Variants in ZC3H13 observed in about 807,000 individuals in gnomAD.
ZC3H13 encodes zinc finger CCCH-type containing 13.
ZC3H13 carries 64 observed loss-of-function variants against 204.1 expected under a neutral mutation model. The observed-to-expected ratio is 0.31, with a 90% confidence interval of 0.26 to 0.39. The LOEUF (loss-of-function observed/expected upper bound fraction) is 0.39. Ranked by LOEUF, ZC3H13 falls within the 10% of genes least tolerant of loss-of-function variation. ZC3H13 has a pLI of 1.00. For synonymous variants in ZC3H13, 667 were observed against 693.7 expected (o/e 0.96, Z 0.60); for missense variants, 1,833 against 2,082.7 (o/e 0.88, Z 2.33).
In ZC3H13 at chr13:46,052,408, T is replaced by C. The variant is rs1217167502; in HGVS notation, c.-14A>G. On this transcript the variant is annotated 5_prime_UTR_variant, in exon 1 of 19. Coordinates refer to ENST00000679008, the MANE Select transcript of ZC3H13 (RefSeq NM_001330564.2). ...ACCAATTCACAGAACGCTTACTTCC[T>C]CCCCAAGCTCCCTTCGCAAGTGCAG... 7.6e-6 allele frequency: 3 copies of C among 396,346 alleles called. No homozygotes were observed. Among genetic ancestry groups the C allele is most frequent in the Non-Finnish European group, 1.3e-5 (3 of 225,400 alleles). 24.6% of individuals were successfully genotyped at this position (396,346 alleles called of 1,614,324 possible). A position where few individuals can be genotyped will look rare whatever the true frequency, so the allele number is the denominator to read the frequency against.
chr13:45,975,153 T>C (rs918473526), intron 12 of ZC3H13, 130 bp downstream of exon 12: 1 of 1,412,600 alleles, frequency 7.1e-7, no homozygotes, highest in South Asian at 1.5e-5. Flanking sequence ...ATACTAAATT[T>C]GAAAAACAGG....
Position 45,962,222 on chromosome 13 carries a change from T to C in ZC3H13, c.4675+1620A>G, listed in dbSNP as rs573716229. 4.3e-5 allele frequency: 42 copies of C among 985,386 alleles called. No individual in the cohort carries two copies. The African/African-American group carries it at 7.0e-4, about 16-fold the overall frequency. 61.0% of individuals were successfully genotyped at this position (985,386 alleles called of 1,614,324 possible). Reference sequence around the variant, plus strand: ...GTCTTTATTCAAGATAATACATCAGTTCTCTAATACAACCACCATAGCAGC... The same window carrying C: ...GTCTTTATTCAAGATAATACATCAGCTCTCTAATACAACCACCATAGCAGC... On this transcript the variant is annotated intron_variant, in intron 17 of 18. Coordinates refer to ENST00000679008, the MANE Select transcript of ZC3H13 (RefSeq NM_001330564.2).
intron 18 of ZC3H13, among the ~76,000 whole-genome samples, chr13:45,959,054 C>T (rs1951489567): frequency 6.6e-6 from 1 of 152,148 alleles, no homozygotes; most frequent in Non-Finnish European, 1.5e-5. Flanking sequence ...TTCTATTCCT[C>T]TTACTTCTCA....
chr13:46,052,328 G>C (rs1480227460), intron 1 of ZC3H13, 76 bp downstream of exon 1: 1 of 390,734 alleles, frequency 2.6e-6, no homozygotes, highest in Non-Finnish European at 4.5e-6. Context: ...GACGGGGGGG[G>C]GTAACCCGGG....
rs369804437 is a variant in ZC3H13, at chr13:45,955,591, T to C, written c.*1536A>G. On this transcript the variant is annotated 3_prime_UTR_variant, in exon 19 of 19. Coordinates refer to ENST00000679008, the MANE Select transcript of ZC3H13 (RefSeq NM_001330564.2). The stretch of plus-strand genomic sequence containing the variant: ...GGATTAGAAATTCTAGGACTTTAAA[T>C]CTTTGTGCTACAGAGAACAATATTA... The C allele has an allele frequency of 1.9e-4, 29 of 152,246 alleles. 1 individual carries two copies. The highest frequency in any genetic ancestry group is 1.9e-3 in the South Asian group (9 of 4,824). The allele number at this position is 152,246 out of a possible 1,614,324, so 9.4% of individuals were successfully genotyped here.
At position 46,011,438 on chromosome 13, in the gene ZC3H13, C is replaced by T. The variant is rs1164548730; in HGVS notation, c.565G>A (p.Glu189Lys). ...KLEQENMEKR[E>K]EIIIKKEVSP... ...ACCTCCTTTTTAATGATAATTTCTT[C>T]TCTCTTCTCCATGTTTTCTTGTTCC... Residue 189 changes from glutamate (E) to lysine (K), a missense_variant, in exon 6 of 19, where the codon GAA (glutamate) becomes AAA (lysine). Glu to Lys is a moderately conservative substitution (Grantham distance 56). Coordinates refer to ENST00000679008, the MANE Select transcript of ZC3H13 (RefSeq NM_001330564.2). 2 of 1,602,130 alleles carry T rather than the reference C, an allele frequency of 1.2e-6. No individual in the cohort carries two copies. Among genetic ancestry groups the T allele is most frequent in the Non-Finnish European group, 1.7e-6 (2 of 1,175,414 alleles).
chr13:46,008,361 T>C (rs2041303577), intron 7 of ZC3H13, among the ~76,000 whole-genome samples: 1 of 152,002 alleles, frequency 6.6e-6, no homozygotes, highest in Admixed American at 6.6e-5. Flanking sequence ...CAATTAAATG[T>C]TTTCTTTGTA....
intron 1 of ZC3H13, among the ~76,000 whole-genome samples, chr13:46,046,199 C>T (rs2043942081): frequency 1.3e-5 from 2 of 151,882 alleles, no homozygotes; most frequent in African/African-American, 2.4e-5. Flanking sequence ...TAGAAAAAGT[C>T]GAGGTGTTTC....
At position 45,985,617 on chromosome 13, in the gene ZC3H13, C is replaced by A. The variant is rs776668848; in HGVS notation, c.1400G>T (p.Arg467Leu). 1.9e-6 allele frequency: 3 copies of A among 1,613,964 alleles called. No homozygotes were observed. Among genetic ancestry groups the A allele is most frequent in the Non-Finnish European group, 2.5e-6 (3 of 1,180,026 alleles). ...DRRDARDTRD[R>L]RELRDSRDMR... The stretch of plus-strand genomic sequence containing the variant: ...GTCTCTGGAGTCTCTTAGTTCCCTT[C>A]GGTCCCTAGTATCTCTGGCATCTCT... Residue 467 changes from arginine (R) to leucine (L), a missense_variant, in exon 10 of 19, where the codon CGA becomes CTA. Physicochemically the swap from Arg to Leu is moderately radical, Grantham distance 102. Transcript: ENST00000679008.
In ZC3H13 at chr13:46,045,602, T is replaced by C; in HGVS notation, c.-9-86A>G. The C allele has an allele frequency of 1.0e-5, 9 of 871,142 alleles. No homozygotes were observed. In the South Asian group the frequency reaches 1.0e-4, roughly 10 times the overall value. 54.0% of individuals were successfully genotyped at this position (871,142 alleles called of 1,614,324 possible). ...CACAGCTTACAAGTAGATAAAACTA[T>C]AGGTAACAGTGTAAAATTACAGGAG... On this transcript the variant is annotated intron_variant, in intron 1 of 18. Transcript: ENST00000679008.
chr13:45,970,744 G>T (rs1215312288), intron 12 of ZC3H13, among the ~76,000 whole-genome samples: 1 of 152,124 alleles, frequency 6.6e-6, no homozygotes, highest in African/African-American at 2.4e-5. Context: ...AATACTGTAA[G>T]GTGGTAACAT....
rs559294901 is a variant in ZC3H13 at position 45,966,427 on chromosome 13, C to T, written c.4322-995G>A. 3.0e-4 allele frequency among the ~76,000 whole-genome samples: 45 copies of T among 152,218 alleles called. 1 individual carries two copies. In the South Asian group the frequency reaches 9.3e-3, roughly 32 times the overall value. ...TTTGTCATATAAACATACATCTAAA[C>T]ATAAATGCACATAATAGGATTTTCA... On this transcript the variant is annotated intron_variant, in intron 15 of 18. Transcript: ENST00000679008.
At chr13:45,987,768 T>C (rs2039652840) in intron 9 of ZC3H13, among the ~76,000 whole-genome samples, 1 of 152,182 alleles carries the variant, frequency 6.6e-6, no homozygotes, top group African/African-American at 2.4e-5. Context: ...CAAGTAAGCA[T>C]TTCCTGAGTA....
At chr13:46,050,977 T>C (rs569806636) in intron 1 of ZC3H13, among the ~76,000 whole-genome samples, 13 of 152,114 alleles carry the variant, frequency 8.5e-5, no homozygotes, top group Admixed American at 5.2e-4. Flanking sequence ...GCTGGAGAAA[T>C]AGCTCCACCT....
chr13:45,981,744 C>T (rs1953633224), intron 10 of ZC3H13, among the ~76,000 whole-genome samples: 1 of 152,006 alleles, frequency 6.6e-6, no homozygotes, highest in Non-Finnish European at 1.5e-5. Context: ...AGTGATGCAT[C>T]ATTCTCAGTA....
chr13:46,031,099 A>G (rs980711461), intron 4 of ZC3H13, among the ~76,000 whole-genome samples: 3 of 152,190 alleles, frequency 2.0e-5, no homozygotes, highest in Admixed American at 6.5e-5. Context: ...GTGGAAAATA[A>G]TAAGAGCCCA....
intron 7 of ZC3H13, among the ~76,000 whole-genome samples, chr13:46,004,732 T>C (rs899744549): frequency 1.3e-5 from 2 of 152,132 alleles, no homozygotes; most frequent in Admixed American, 6.5e-5. Context: ...TGTCAGTATA[T>C]ATTCATCATA....
Position 46,045,430 on chromosome 13 carries a change from T to C in ZC3H13, c.78A>G (p.Val26=). ...CAGTGCTGGGTCCAAGCCTCTCAAA[T>C]ACACTGGGTCTTCGGGATGTGCTAT... The part of the protein sequence containing the change: ...ISDSTSRRPS[V]FERLGPSTGS... The change falls in exon 2 of 19, where the codon GTA becomes GTG. Residue 26 remains valine (V), a synonymous_variant. Coordinates refer to ENST00000679008, the MANE Select transcript of ZC3H13 (RefSeq NM_001330564.2). 6 of 1,614,128 alleles carry C rather than the reference T, an allele frequency of 3.7e-6. No homozygotes were observed. Among genetic ancestry groups the C allele is most frequent in the Middle Eastern group, 1.6e-4 (1 of 6,062 alleles).
chr13:46,005,262 C>A, intron 7 of ZC3H13, among the ~76,000 whole-genome samples: 1 of 152,138 alleles, frequency 6.6e-6, no homozygotes, highest in Non-Finnish European at 1.5e-5. Flanking sequence ...TACTCAATTT[C>A]TTCTATTTTC....
Sources: allele counts gnomAD v4.1 joint callset (sites outside exome capture counted in the v4.1 genomes callset), GRCh38; gene constraint gnomAD v4.1.1; transcripts MANE v1.5; gene names NCBI Gene and HGNC (gene_info 2026-07-23, HGNC 2026-07-21).